DGKB: variants seen among roughly 807,000 people sequenced by gnomAD.
DGKB encodes the protein diacylglycerol kinase beta.
In DGKB, 67 loss-of-function variants were observed where a neutral mutation model predicts 114.3. The observed-to-expected ratio is 0.59, with a 90% CI of 0.48 to 0.72. DGKB has a LOEUF of 0.72. Ranked by LOEUF, DGKB falls within the 30% of genes least tolerant of loss-of-function variation. The pLI is 0.00. For synonymous variants in DGKB, 398 were observed against 323.1 expected (o/e 1.23, Z -2.49); for missense variants, 907 against 975.2 (o/e 0.93, Z 0.93).
chr7:14,805,308 G>T (rs1244205637), intron 2 of DGKB, among the ~76,000 whole-genome samples: 1 of 152,016 alleles, frequency 6.6e-6, no homozygotes, highest in Non-Finnish European at 1.5e-5. Context: ...CTGCCTTAGG[G>T]GACACCATTC....
chr7:14,276,250 A>G (rs1798971753), intron 23 of DGKB, among the ~76,000 whole-genome samples: 1 of 152,220 alleles, frequency 6.6e-6, no homozygotes, highest in African/African-American at 2.4e-5. Flanking sequence ...AAATCTATGC[A>G]TCATTCTCAT....
chr7:14,662,775 G>A (rs1817384777), intron 13 of DGKB, among the ~76,000 whole-genome samples: 1 of 151,604 alleles, frequency 6.6e-6, no homozygotes, highest in Non-Finnish European at 1.5e-5. Context: ...AATCAGGAAG[G>A]TAATTTTAAT....
upstream of DGKB, among the ~76,000 whole-genome samples, chr7:14,906,154 C>T (rs904535130): frequency 6.6e-6 from 1 of 151,904 alleles, no homozygotes; most frequent in African/African-American, 2.4e-5. Flanking sequence ...ACAGCTCTCT[C>T]TCTACTCCCC....
chr7:14,914,661 T>TTA (rs1183667277), intron 1 of DGKB, among the ~76,000 whole-genome samples: 71 of 151,944 alleles, frequency 4.7e-4, no homozygotes, highest in Non-Finnish European at 7.5e-4. Context: ...AAAGCAAGCA[T>TTA]CAGAACTAGA....
At chr7:14,828,506 G>A (rs1038484258) in intron 2 of DGKB, among the ~76,000 whole-genome samples, 5 of 152,054 alleles carry the variant, frequency 3.3e-5, no homozygotes, top group Non-Finnish European at 2.9e-5. Flanking sequence ...GTAACAACAT[G>A]GGCAAGCTCA....
intron 2 of DGKB, among the ~76,000 whole-genome samples, chr7:14,761,262 G>A (rs1362877208): frequency 6.6e-6 from 1 of 152,082 alleles, no homozygotes; most frequent in East Asian, 1.9e-4. Flanking sequence ...TAAAGATAAG[G>A]ATTTGCGCAT....
intron 12 of DGKB, among the ~76,000 whole-genome samples, chr7:14,678,135 A>G (rs1331501390): frequency 1.3e-5 from 2 of 152,106 alleles, no homozygotes; most frequent in African/African-American, 4.8e-5. Context: ...AGAATAGCAT[A>G]TCAGAGATTA....
intron 23 of DGKB, among the ~76,000 whole-genome samples, chr7:14,282,431 G>T (rs1372107811): frequency 6.8e-6 from 1 of 146,756 alleles, no homozygotes; most frequent in Non-Finnish European, 1.5e-5. Context: ...TCTACCAGAG[G>T]TACAAGGAGG....
intron 4 of DGKB, 51 bp downstream of exon 4, chr7:14,753,877 T>C: frequency 9.0e-7 from 1 of 1,105,464 alleles, no homozygotes; most frequent in Non-Finnish European, 1.3e-6. Flanking sequence ...ATAGATCATA[T>C]CAGAATAAAG....
chr7:14,252,120 T>A (rs1229414454), intron 23 of DGKB, among the ~76,000 whole-genome samples: 1 of 152,182 alleles, frequency 6.6e-6, no homozygotes, highest in Non-Finnish European at 1.5e-5. Context: ...CTGAATCTTG[T>A]ATAATGCATA....
At chr7:14,818,597 C>T (rs12537826) in intron 2 of DGKB, among the ~76,000 whole-genome samples, 139 of 152,050 alleles carry the variant, frequency 9.1e-4, no homozygotes, top group Non-Finnish European at 1.6e-3. Flanking sequence ...AGAACAGCTA[C>T]GACATAATGG....
chr7:14,507,347 C>A (rs529391434), intron 20 of DGKB, among the ~76,000 whole-genome samples: 17 of 151,972 alleles, frequency 1.1e-4, no homozygotes, highest in Non-Finnish European at 1.9e-4. Context: ...GGGCATATTG[C>A]CAGTTTTAAT....
chr7:14,865,705 T>A (rs1587007295), intron 1 of DGKB, among the ~76,000 whole-genome samples: 1 of 152,136 alleles, frequency 6.6e-6, no homozygotes, highest in Admixed American at 6.6e-5. Context: ...AGAGTGGTAA[T>A]CCAGGGTGGA....
chr7:14,226,183 G>A (rs1254998726), intron 23 of DGKB, among the ~76,000 whole-genome samples: 1 of 151,882 alleles, frequency 6.6e-6, no homozygotes, highest in South Asian at 2.1e-4. Context: ...AGAGACAGAA[G>A]CCTATCAGAA....
At position 14,493,465 on chromosome 7, in the gene DGKB, A is replaced by C. The variant is rs571477619; in HGVS notation, c.1771-15240T>G. 2.0e-5 allele frequency among the ~76,000 whole-genome samples: 3 copies of C among 152,252 alleles called. No individual in the cohort carries two copies. In the South Asian group the frequency reaches 6.2e-4, roughly 32 times the overall value. The stretch of plus-strand genomic sequence containing the variant: ...TAAAAGTTACGTGAATGTGGTGTTT[A>C]TCTCTCCCAAAATATTTTCTTGTAC... On this transcript the variant is annotated intron_variant, in intron 20 of 25. Coordinates refer to ENST00000402815, the MANE Select transcript of DGKB (RefSeq NM_001350709.2).
chr7:14,288,029 G>A (rs1285636886), intron 23 of DGKB, among the ~76,000 whole-genome samples: 1 of 151,986 alleles, frequency 6.6e-6, no homozygotes, highest in Non-Finnish European at 1.5e-5. Flanking sequence ...AATAGTGCAA[G>A]GTTTCTCTGC....
intron 5 of DGKB, among the ~76,000 whole-genome samples, chr7:14,733,618 G>GCTTCAAGGTTCTGTGCAATC (rs1564049797): frequency 6.6e-6 from 1 of 152,058 alleles, no homozygotes; most frequent in African/African-American, 2.4e-5. Context: ...AATCCAGAAG[G>GCTTCAAGGTTCTGTGCAATC]CAGAGGTTGC....
At chr7:14,737,450 A>T (rs541174986) in intron 4 of DGKB, among the ~76,000 whole-genome samples, 31 of 152,078 alleles carry the variant, frequency 2.0e-4, no homozygotes, top group African/African-American at 7.2e-4. Flanking sequence ...ATACTGGGGG[A>T]AAGACATGGA....
intron 21 of DGKB, among the ~76,000 whole-genome samples, chr7:14,436,773 G>A (rs984761311): frequency 3.9e-5 from 6 of 152,006 alleles, no homozygotes. Flanking sequence ...TCTAGCCTTA[G>A]CTCAAATTTT....
Sources: gnomAD v4.1 joint callset for allele counts (sites outside exome capture counted in the v4.1 genomes callset) on GRCh38, gnomAD v4.1.1 for gene constraint, MANE v1.5 for transcripts, NCBI Gene and HGNC (gene_info 2026-07-23, HGNC 2026-07-21) for gene names.